ZNF469: variants seen among roughly 807,000 people sequenced by gnomAD.
ZNF469 encodes zinc finger protein 469.
Under a neutral mutation model 1.0 loss-of-function variants are expected in ZNF469, and 1 was observed. The ratio of observed to expected loss-of-function variants is 1.00; its 90% CI spans 0.35 to 4.73. The LOEUF (loss-of-function observed/expected upper bound fraction) is 4.73. ZNF469 is among the 30% of genes most tolerant of loss of function. The pLI is 0.16. For missense variants in ZNF469, 6,100 were observed against 5,356.3 expected (o/e 1.14, Z -4.33); for synonymous variants, 2,703 against 2,363.4 (o/e 1.14, Z -4.17).
chr16:88,413,594 C>T (rs895223710), intron 1 of ZNF469, among the ~76,000 whole-genome samples: 6 of 152,258 alleles, frequency 3.9e-5, no homozygotes, highest in Admixed American at 2.6e-4. Context: ...GAGTGAGCCT[C>T]GGAGGGTGTC....
chr16:88,220,220 C>T, the ZNF469 span, among the ~76,000 whole-genome samples: 3 of 152,218 alleles, frequency 2.0e-5, no homozygotes, highest in African/African-American at 7.2e-5. Context: ...CTAGAATCTG[C>T]TACTGGGGTC....
At chr16:88,387,731 G>A (rs1245559855) in intron 1 of ZNF469, among the ~76,000 whole-genome samples, 2 of 152,196 alleles carry the variant, frequency 1.3e-5, no homozygotes, top group Admixed American at 1.3e-4. Flanking sequence ...CTCAGCGTGT[G>A]TGGGGAACGC....
intron 1 of ZNF469, among the ~76,000 whole-genome samples, chr16:88,406,931 G>C (rs1324039871): frequency 6.6e-6 from 1 of 152,134 alleles, no homozygotes; most frequent in African/African-American, 2.4e-5. Context: ...GTGCCTCGTG[G>C]GTCCCCCTCA....
the ZNF469 span, among the ~76,000 whole-genome samples, chr16:88,203,914 G>T: frequency 3.3e-5 from 5 of 152,326 alleles, no homozygotes; most frequent in African/African-American, 1.2e-4. Flanking sequence ...TCAACCCATA[G>T]CAAGTGTGGG....
intron 1 of ZNF469, among the ~76,000 whole-genome samples, chr16:88,413,684 C>T (rs1167036403): frequency 5.9e-5 from 9 of 152,240 alleles, no homozygotes; most frequent in African/African-American, 2.2e-4. Flanking sequence ...ACTCGGTTTT[C>T]TCAGCTCTGA....
upstream of ZNF469, among the ~76,000 whole-genome samples, chr16:88,382,131 C>G (rs1186303226): frequency 2.6e-5 from 4 of 152,218 alleles, no homozygotes; most frequent in Non-Finnish European, 4.4e-5. Context: ...GAGGGCGATC[C>G]GTCCCCAGAT....
the ZNF469 span, among the ~76,000 whole-genome samples, chr16:88,328,177 C>T: frequency 6.6e-6 from 1 of 152,260 alleles, no homozygotes; most frequent in African/African-American, 2.4e-5. Flanking sequence ...GGCTGCTGTG[C>T]AGGCAGACGC....
intron 1 of ZNF469, among the ~76,000 whole-genome samples, chr16:88,410,629 C>T (rs1015337728): frequency 6.7e-5 from 10 of 148,862 alleles, no homozygotes; most frequent in African/African-American, 2.3e-4. Context: ...ACACAGTTCA[C>T]GGTGACGTCT....
the ZNF469 span, among the ~76,000 whole-genome samples, chr16:88,362,979 A>C: frequency 0.42 from 63,131 of 151,962 alleles, 14,367 homozygotes; most frequent in East Asian, 0.77. Flanking sequence ...TGTCATCTCC[A>C]TTCTACTGTA....
At chr16:88,413,139 G>T (rs555558594) in intron 1 of ZNF469, among the ~76,000 whole-genome samples, 1 of 152,330 alleles carries the variant, frequency 6.6e-6, no homozygotes, top group African/African-American at 2.4e-5. Context: ...GGCCATAGTC[G>T]TGCGTAAAGC....
At chr16:88,412,008 C>G (rs990451753) in intron 1 of ZNF469, among the ~76,000 whole-genome samples, 1 of 152,306 alleles carries the variant, frequency 6.6e-6, no homozygotes, top group African/African-American at 2.4e-5. Context: ...CCTGGGGTCC[C>G]AAGACCCTGT....
At chr16:88,358,020 G>A in the ZNF469 span, among the ~76,000 whole-genome samples, 1 of 152,250 alleles carries the variant, frequency 6.6e-6, no homozygotes, top group Non-Finnish European at 1.5e-5. Flanking sequence ...GAGAGAGGGA[G>A]TGAGTGGTCA....
At chr16:88,223,581 G>A in the ZNF469 span, among the ~76,000 whole-genome samples, 2 of 152,192 alleles carry the variant, frequency 1.3e-5, no homozygotes, top group Non-Finnish European at 2.9e-5. Flanking sequence ...AAAGCCGAGT[G>A]AAGAACTCTG....
At chr16:88,172,570 C>T in the ZNF469 span, among the ~76,000 whole-genome samples, 9 of 151,526 alleles carry the variant, frequency 5.9e-5, no homozygotes, top group African/African-American at 1.7e-4. Context: ...TGAATTTTCA[C>T]GATGTCTGGC....
chr16:88,240,998 GC>G, the ZNF469 span, among the ~76,000 whole-genome samples: 2 of 152,108 alleles, frequency 1.3e-5, no homozygotes, highest in African/African-American at 4.8e-5. Flanking sequence ...CAGGAGGGCC[GC>G]CCACACCATG....
the ZNF469 span, among the ~76,000 whole-genome samples, chr16:88,357,719 C>T: frequency 6.6e-6 from 1 of 152,234 alleles, no homozygotes; most frequent in African/African-American, 2.4e-5. Context: ...CATTTCCCAT[C>T]GCATTTATGG....
intron 1 of ZNF469, among the ~76,000 whole-genome samples, chr16:88,414,319 C>T (rs1905250512): frequency 6.6e-6 from 1 of 152,240 alleles, no homozygotes; most frequent in Non-Finnish European, 1.5e-5. Context: ...ACACAAACAC[C>T]TGCTGGGCAT....
the ZNF469 span, among the ~76,000 whole-genome samples, chr16:88,193,229 T>G: frequency 5.5e-5 from 7 of 127,218 alleles, no homozygotes; most frequent in Non-Finnish European, 8.6e-5. Flanking sequence ...ATGGTGGTGG[T>G]GGGGATGGTG....
chr16:88,346,307 T>C, the ZNF469 span, among the ~76,000 whole-genome samples: 1 of 152,170 alleles, frequency 6.6e-6, no homozygotes. Flanking sequence ...CACGAGGCCC[T>C]GCGAGTGTGC....
Sources: gnomAD v4.1 joint callset for allele counts (sites outside exome capture counted in the v4.1 genomes callset) on GRCh38, gnomAD v4.1.1 for gene constraint, MANE v1.5 for transcripts, NCBI Gene and HGNC (gene_info 2026-07-23, HGNC 2026-07-21) for gene names.